Variants in NEK1 observed in about 807,000 individuals in gnomAD.
NEK1 encodes serine/threonine-protein kinase Nek1.
In NEK1, 137 loss-of-function variants were observed where a neutral mutation model predicts 182.1. The observed-to-expected ratio is 0.75, with a 90% confidence interval of 0.65 to 0.87. The LOEUF (loss-of-function observed/expected upper bound fraction) is 0.87. NEK1 is among the 40% of genes least tolerant of loss of function. The pLI, the probability that NEK1 is intolerant of heterozygous loss-of-function variation, is 0.00. For synonymous variants in NEK1, 513 were observed against 492.2 expected, an observed-to-expected ratio of 1.04 and a Z score of -0.56; for missense variants, 1,391 against 1,494.4, an observed-to-expected ratio of 0.93 and a Z score of 1.14.
intron 12 of NEK1, among the ~76,000 whole-genome samples, chr4:169,566,759 C>T (rs904665664): frequency 1.3e-5 from 2 of 151,906 alleles, no homozygotes; most frequent in African/African-American, 2.4e-5. Context: ...CTAAAAGATG[C>T]TTTAATTTCC....
intron 23 of NEK1, among the ~76,000 whole-genome samples, chr4:169,484,731 A>G (rs935534102): frequency 3.9e-5 from 6 of 152,196 alleles, no homozygotes; most frequent in Admixed American, 6.5e-5. Context: ...AAACACAGAT[A>G]AAGTAGGACA....
chr4:169,425,171 CA>C (rs370114190), intron 30 of NEK1, among the ~76,000 whole-genome samples: 7 of 148,266 alleles, frequency 4.7e-5, no homozygotes, highest in South Asian at 4.2e-4. Flanking sequence ...TCTCTCTCCA[CA>C]AAAAATAAAA....
At position 169,556,158 on chromosome 4, in the gene NEK1, T is replaced by C. The variant is rs2149911267; in HGVS notation, c.1267-63A>G. 2.1e-6 allele frequency: 3 copies of C among 1,439,060 alleles called. No individual in the cohort carries two copies. The Middle Eastern group carries it at 5.4e-4, about 261-fold the overall frequency. 89.1% of individuals were successfully genotyped at this position (1,439,060 alleles called of 1,614,324 possible). ...ATAAGGCCTAACAGGCCTGTACTAG[T>C]CTCAAAAGAAAAAGTAAATTTCAAT... is the stretch of plus-strand genomic sequence containing the variant. On this transcript the variant is annotated intron_variant, in intron 16 of 35. Transcript: ENST00000507142.
At chr4:169,506,517 G>A (rs979085313) in intron 23 of NEK1, 2 of 152,158 alleles carry the variant, frequency 1.3e-5, no homozygotes, top group Non-Finnish European at 2.9e-5. Context: ...CACTTTGGGA[G>A]GCTGAGGCGG....
intron 12 of NEK1, among the ~76,000 whole-genome samples, chr4:169,564,068 C>G (rs1763332484): frequency 6.6e-6 from 1 of 152,058 alleles, no homozygotes; most frequent in Admixed American, 6.6e-5. Flanking sequence ...GTTAACTACA[C>G]AATTTTGTAA....
intron 18 of NEK1, among the ~76,000 whole-genome samples, chr4:169,545,062 T>TC (rs1413977367): frequency 6.6e-6 from 1 of 151,374 alleles, no homozygotes; most frequent in Non-Finnish European, 1.5e-5. Context: ...TCTTTTTTTT[T>TC]TTTTTTATAC....
intron 19 of NEK1, among the ~76,000 whole-genome samples, chr4:169,534,802 C>T (rs1468104571): frequency 6.6e-6 from 1 of 152,060 alleles, no homozygotes; most frequent in Non-Finnish European, 1.5e-5. Flanking sequence ...ATACGCAACG[C>T]TTGGTATCCA....
chr4:169,466,959 T>C (rs1745049161), intron 26 of NEK1, among the ~76,000 whole-genome samples: 1 of 151,936 alleles, frequency 6.6e-6, no homozygotes, highest in Non-Finnish European at 1.5e-5. Flanking sequence ...TATAAACAAA[T>C]TTTCTTCCAC....
At chr4:169,465,530 T>C (rs1414555686) in intron 26 of NEK1, among the ~76,000 whole-genome samples, 4 of 152,114 alleles carry the variant, frequency 2.6e-5, no homozygotes, top group Non-Finnish European at 5.9e-5. Flanking sequence ...ACTTGAGTAC[T>C]GATCAGCATA....
chr4:169,542,082 A>T (rs1199915123), intron 18 of NEK1, among the ~76,000 whole-genome samples: 3 of 152,224 alleles, frequency 2.0e-5, no homozygotes, highest in Non-Finnish European at 4.4e-5. Flanking sequence ...AGTGCAGGTT[A>T]CATAGGTATA....
chr4:169,401,600 T>C lies in NEK1; in HGVS notation c.3583+52A>G, dbSNP rs534692596. On this transcript the variant is annotated intron_variant, in intron 33 of 35. Coordinates refer to ENST00000507142, the MANE Select transcript of NEK1 (RefSeq NM_001199397.3). ...AGAGATTAGAAAAATACACTCTACT[T>C]GAAATATTTGTAAACTGAAAAAGAA... 12 of 1,520,968 alleles carry C rather than the reference T, an allele frequency of 7.9e-6. 1 individual carries two copies. In the African/African-American group the frequency reaches 1.4e-4, roughly 17 times the overall value. 94.2% of individuals were successfully genotyped at this position (1,520,968 alleles called of 1,614,324 possible).
intron 27 of NEK1, among the ~76,000 whole-genome samples, chr4:169,456,297 T>A (rs532256863): frequency 1.3e-5 from 2 of 152,142 alleles, no homozygotes; most frequent in Admixed American, 6.5e-5. Context: ...TAATGATCCA[T>A]CTTAAAGAAC....
rs1762878146 is a variant in NEK1 at position 169,561,401 on chromosome 4, C to T, written c.1266+79G>A. On this transcript the variant is annotated intron_variant, in intron 16 of 35. Coordinates refer to ENST00000507142, the MANE Select transcript of NEK1 (RefSeq NM_001199397.3). ...TACACTAAAGAAAGAAAGAAAATCCCAAGTACATGCATTTTATAGAACAAG... is the reference window on the plus strand; with the variant it reads ...TACACTAAAGAAAGAAAGAAAATCCTAAGTACATGCATTTTATAGAACAAG... 3 of 1,226,382 alleles carry T rather than the reference C, an allele frequency of 2.4e-6. No homozygotes were observed. The South Asian group carries it at 3.8e-5, about 15-fold the overall frequency. 76.0% of individuals were successfully genotyped at this position (1,226,382 alleles called of 1,614,324 possible).
chr4:169,451,148 T>C (rs376702220), intron 27 of NEK1, among the ~76,000 whole-genome samples: 1 of 151,984 alleles, frequency 6.6e-6, no homozygotes, highest in African/African-American at 2.4e-5. Flanking sequence ...AGTTCTTAGA[T>C]ACCTACAAAG....
chr4:169,452,787 C>G (rs1050301289), intron 27 of NEK1, among the ~76,000 whole-genome samples: 3 of 152,160 alleles, frequency 2.0e-5, no homozygotes, highest in Admixed American at 2.0e-4. Context: ...CACTCCTATT[C>G]AACATAGTGT....
At chr4:169,491,672 T>C (rs1434883171) in intron 23 of NEK1, among the ~76,000 whole-genome samples, 2 of 152,210 alleles carry the variant, frequency 1.3e-5, no homozygotes, top group African/African-American at 2.4e-5. Context: ...TATCAAAGTA[T>C]AAAACTCACT....
intron 23 of NEK1, among the ~76,000 whole-genome samples, chr4:169,482,301 TC>T (rs1353331999): frequency 6.6e-6 from 1 of 152,098 alleles, no homozygotes; most frequent in African/African-American, 2.4e-5. Context: ...TTCTTTTTTT[TC>T]TAAGAGATGG....
At chr4:169,609,325 T>G (rs1266142214) in intron 2 of NEK1, among the ~76,000 whole-genome samples, 1 of 152,164 alleles carries the variant, frequency 6.6e-6, no homozygotes, top group Non-Finnish European at 1.5e-5. Context: ...ACAGAAACTT[T>G]GATGTAGTGA....
chr4:169,507,349 A>C (rs1399718473), intron 22 of NEK1, among the ~76,000 whole-genome samples: 1 of 152,142 alleles, frequency 6.6e-6, no homozygotes. Flanking sequence ...TGCTGAGTGA[A>C]AATAAAGGCA....
Sources: gnomAD v4.1 joint callset for allele counts (sites outside exome capture counted in the v4.1 genomes callset) on GRCh38, gnomAD v4.1.1 for gene constraint, MANE v1.5 for transcripts, NCBI Gene and HGNC (gene_info 2026-07-23, HGNC 2026-07-21) for gene names.